CIMIP7: variants seen among roughly 807,000 people sequenced by gnomAD.
The protein encoded by CIMIP7 is ciliary microtubule inner protein 7.
At chr3:49,185,860 T>C in the CIMIP7 span, among the ~76,000 whole-genome samples, 1 of 151,016 alleles carries the variant, frequency 6.6e-6, no homozygotes, top group Admixed American at 6.6e-5. Flanking sequence ...CCTGCCAATT[T>C]TTTGTATTTT....
the CIMIP7 span, among the ~76,000 whole-genome samples, chr3:49,182,130 C>CA: frequency 1.3e-5 from 2 of 152,244 alleles, no homozygotes; most frequent in Non-Finnish European, 2.9e-5. Flanking sequence ...AGCGTGGACC[C>CA]AAAGAGTGAG....
chr3:49,183,754 T>C, the CIMIP7 span, among the ~76,000 whole-genome samples: 56 of 152,352 alleles, frequency 3.7e-4, 1 homozygote, highest in Admixed American at 9.8e-4. Context: ...AAAACATATG[T>C]TCAACCAAAA....
chr3:49,191,795 G>A, the CIMIP7 span: 4 of 1,545,134 alleles, frequency 2.6e-6, no homozygotes, highest in East Asian at 7.2e-5. Context: ...GAGCAGAAAA[G>A]GCAAACTTTC....
chr3:49,190,553 T>A, the CIMIP7 span, among the ~76,000 whole-genome samples: 1 of 151,292 alleles, frequency 6.6e-6, no homozygotes, highest in Non-Finnish European at 1.5e-5. Context: ...TGGAGTACAG[T>A]GGCACAACCT....
chr3:49,189,563 T>C, the CIMIP7 span, among the ~76,000 whole-genome samples: 2 of 152,242 alleles, frequency 1.3e-5, no homozygotes, highest in African/African-American at 4.8e-5. Context: ...CAGTATTCCC[T>C]GGCCAAATGT....
chr3:49,178,016 T>TC, the CIMIP7 span: 1 of 1,608,912 alleles, frequency 6.2e-7, no homozygotes, highest in East Asian at 2.2e-5. Context: ...TCCAGGTCCT[T>TC]CCGCCTTCCG....
the CIMIP7 span, chr3:49,177,992 G>C: frequency 6.2e-7 from 1 of 1,612,236 alleles, no homozygotes; most frequent in Non-Finnish European, 8.5e-7. Flanking sequence ...AAGGTGTGCC[G>C]CTGCCACAGG....
the CIMIP7 span, chr3:49,189,926 G>A: frequency 2.3e-6 from 2 of 856,708 alleles, no homozygotes; most frequent in Admixed American, 1.7e-5. Context: ...AGGGATAGGT[G>A]TCAGTACAGC....
At chr3:49,179,369 C>A in the CIMIP7 span, among the ~76,000 whole-genome samples, 1 of 152,172 alleles carries the variant, frequency 6.6e-6, no homozygotes, top group Admixed American at 6.5e-5. Context: ...TGCTTAGCAG[C>A]CAGCATAATT....
At chr3:49,178,866 C>G in the CIMIP7 span, among the ~76,000 whole-genome samples, 1 of 152,126 alleles carries the variant, frequency 6.6e-6, no homozygotes, top group South Asian at 2.1e-4. Flanking sequence ...CTTGATTGCC[C>G]AGGACTCTAG....
chr3:49,190,266 TA>T, the CIMIP7 span: 1 of 624,260 alleles, frequency 1.6e-6, no homozygotes, highest in South Asian at 1.9e-5. Context: ...CCTGACAGAA[TA>T]GAAAGAATCT....
At chr3:49,189,433 A>G in the CIMIP7 span, among the ~76,000 whole-genome samples, 1 of 152,158 alleles carries the variant, frequency 6.6e-6, no homozygotes, top group African/African-American at 2.4e-5. Flanking sequence ...TATGATACAC[A>G]GTGCCCCTTC....
the CIMIP7 span, among the ~76,000 whole-genome samples, chr3:49,191,083 T>C: frequency 1.3e-5 from 2 of 152,210 alleles, no homozygotes; most frequent in Admixed American, 1.3e-4. Flanking sequence ...TGGATGATCA[T>C]GTCTGGGAAC....
the CIMIP7 span, among the ~76,000 whole-genome samples, chr3:49,182,187 G>T: frequency 6.6e-6 from 1 of 152,236 alleles, no homozygotes; most frequent in Non-Finnish European, 1.5e-5. Flanking sequence ...AGCCTCCACA[G>T]CGTGGAAGGG....
the CIMIP7 span, among the ~76,000 whole-genome samples, chr3:49,183,931 G>A: frequency 1.2e-3 from 188 of 152,312 alleles, 4 homozygotes; most frequent in Middle Eastern, 0.024. Context: ...ACAATAATTT[G>A]GATGAATCTC....
At chr3:49,181,604 G>T in the CIMIP7 span, among the ~76,000 whole-genome samples, 1 of 152,200 alleles carries the variant, frequency 6.6e-6, no homozygotes, top group Non-Finnish European at 1.5e-5. Flanking sequence ...GGTGCAATGA[G>T]CCATGATCGT....
At chr3:49,180,701 C>G in the CIMIP7 span, among the ~76,000 whole-genome samples, 2 of 151,960 alleles carry the variant, frequency 1.3e-5, no homozygotes, top group Non-Finnish European at 2.9e-5. Flanking sequence ...GAGGCCGAGG[C>G]GGGCGGATCA....
the CIMIP7 span, among the ~76,000 whole-genome samples, chr3:49,184,626 A>ATT: frequency 1.8e-4 from 24 of 133,618 alleles, no homozygotes; most frequent in African/African-American, 4.2e-4. Context: ...GGCCTATGTA[A>ATT]TTTTTTTTTT....
the CIMIP7 span, among the ~76,000 whole-genome samples, chr3:49,182,021 C>G: frequency 3.3e-5 from 5 of 152,008 alleles, no homozygotes; most frequent in African/African-American, 9.7e-5. Flanking sequence ...TCAGGCGGCG[C>G]GTCTGGAGTT....
Sources: gnomAD v4.1 joint callset for allele counts (sites outside exome capture counted in the v4.1 genomes callset) on GRCh38, gnomAD v4.1.1 for gene constraint, MANE v1.5 for transcripts, NCBI Gene and HGNC (gene_info 2026-07-23, HGNC 2026-07-21) for gene names.